The following MSI1 variants were observed in gnomAD, a reference collection of about 807,000 sequenced individuals.
MSI1 encodes the protein RNA-binding protein Musashi homolog 1.
MSI1 carries 15 observed loss-of-function variants against 54.4 expected under a neutral mutation model. The observed-to-expected ratio is 0.28, with a 90% CI of 0.18 to 0.42. The LOEUF (loss-of-function observed/expected upper bound fraction) is 0.42, where lower values mean the gene tolerates loss of function less well. Among genes scored for constraint, MSI1 ranks in the 20% least tolerant of loss-of-function variants. The pLI, the probability that MSI1 is intolerant of heterozygous loss-of-function variation, is 1.00. For synonymous variants in MSI1, 200 were observed against 196.5 expected (o/e 1.02, Z -0.15); for missense variants, 304 against 506.0 (o/e 0.60, Z 3.83).
rs1349049737 is a variant in MSI1, at chr12:120,342,661, A to G, written c.*466T>C. 6.6e-6 allele frequency: 1 copy of G among 151,226 alleles called. No individual in the cohort carries two copies. Among genetic ancestry groups the G allele is most frequent in the Non-Finnish European group, 1.5e-5 (1 of 67,810 alleles). 9.4% of individuals were successfully genotyped at this position (151,226 alleles called of 1,614,324 possible). A position where few individuals can be genotyped will look rare whatever the true frequency, so the allele number is the denominator to read the frequency against. ...AAAAAAGGTTTCTTTAAAAAAAAAA[A>G]AAAAAAAAAAAAGGGAAAGGGTAAA... On this transcript the variant is annotated 3_prime_UTR_variant, in exon 15 of 15. Coordinates refer to ENST00000257552, the MANE Select transcript of MSI1 (RefSeq NM_002442.4).
chr12:120,355,360 CCG>C (rs1875013820), intron 9 of MSI1, among the ~76,000 whole-genome samples: 1 of 150,834 alleles, frequency 6.6e-6, no homozygotes, highest in Non-Finnish European at 1.5e-5. Flanking sequence ...AGCCAAGATC[CCG>C]CCACTGCAGT....
At chr12:120,340,314 G>A (rs1592914258), downstream of MSI1, among the ~76,000 whole-genome samples, 2 of 152,220 alleles carry the variant, frequency 1.3e-5, no homozygotes, top group African/African-American at 4.8e-5. Context: ...GAACACCTGA[G>A]CTCAGGCGAT....
At chr12:120,363,261 GC>G (rs34243955) in intron 5 of MSI1, 126 bp from the exon 6 acceptor site, 330,308 of 550,510 alleles carry the variant, frequency 0.6, 95,864 homozygotes, top group South Asian at 0.71. Flanking sequence ...CTCTTTAAAG[GC>G]CCCCCCCCCG....
intron 10 of MSI1, among the ~76,000 whole-genome samples, chr12:120,352,008 CTTTT>C (rs1874652912): frequency 8.1e-6 from 1 of 123,074 alleles, no homozygotes; most frequent in African/African-American, 3.0e-5. Context: ...GCGCCTGGCC[CTTTT>C]TATTTAAAAA....
chr12:120,368,826 C>T lies in MSI1; in HGVS notation c.100+7G>A, dbSNP rs753828486. The stretch of plus-strand genomic sequence containing the variant: ...CCGGACCGGCGGGCGCTCCCGGGCT[C>T]GCTCACCCTGCGTAGTCTGCCAACT... On this transcript the variant is annotated splice_region_variant and intron_variant, in intron 2 of 14. Transcript: ENST00000257552. The surrounding 1 kb of genome is among the most constrained non-coding windows in gnomAD (Gnocchi z 6.6). 2.8e-6 allele frequency: 4 copies of T among 1,429,926 alleles called. No homozygotes were observed. Among genetic ancestry groups the T allele is most frequent in the South Asian group, 2.7e-5 (2 of 73,356 alleles). 88.6% of individuals were successfully genotyped at this position (1,429,926 alleles called of 1,614,324 possible).
At chr12:120,364,317 C>A (rs143360427) in intron 5 of MSI1, among the ~76,000 whole-genome samples, 168 of 152,268 alleles carry the variant, frequency 1.1e-3, no homozygotes, top group African/African-American at 3.8e-3. Context: ...AGCTCCCTAG[C>A]CTGCCTGTAG....
chr12:120,364,818 C>T (rs1875916246), intron 4 of MSI1, 63 bp from the exon 5 acceptor site: 2 of 1,476,636 alleles, frequency 1.4e-6, no homozygotes, highest in Non-Finnish European at 1.8e-6. Flanking sequence ...AGCGACCACA[C>T]AGCCTTCAGC....
rs369649523 is a variant in MSI1 at position 120,368,456 on chromosome 12, C to G, written c.101-183G>C. Reference sequence around the variant, plus strand: ...TCCCGCTGAGCCTCCTGGCGCCCACCGGGGCCCCGGGAAGCCGAGGGCCGA... The same window carrying G: ...TCCCGCTGAGCCTCCTGGCGCCCACGGGGGCCCCGGGAAGCCGAGGGCCGA... On this transcript the variant is annotated intron_variant, in intron 2 of 14. Coordinates refer to ENST00000257552, the MANE Select transcript of MSI1 (RefSeq NM_002442.4). This position sits in a 1 kb window ranked among gnomAD's most constrained non-coding sequence, Gnocchi z 6.6. 0.042 allele frequency among the ~76,000 whole-genome samples: 6,320 copies of G among 152,080 alleles called. 188 individuals are homozygous for G. Among genetic ancestry groups the G allele is most frequent in the South Asian group, 0.063 (303 of 4,828 alleles).
chr12:120,356,630 G>A (rs1047808685), intron 9 of MSI1, among the ~76,000 whole-genome samples: 5 of 152,250 alleles, frequency 3.3e-5, no homozygotes, highest in Non-Finnish European at 7.3e-5. Context: ...CAGATGGAGG[G>A]ATGGATGGAC....
intron 4 of MSI1, among the ~76,000 whole-genome samples, chr12:120,366,916 C>T (rs1876053506): frequency 1.3e-5 from 2 of 152,172 alleles, no homozygotes; most frequent in South Asian, 4.1e-4. Flanking sequence ...GGTAGCAGAA[C>T]AGGCAGCTTG....
At chr12:120,344,938 C>A (rs1029037317) in intron 14 of MSI1, among the ~76,000 whole-genome samples, 25 of 151,612 alleles carry the variant, frequency 1.6e-4, no homozygotes, top group African/African-American at 6.1e-4. Flanking sequence ...ATTGCTTGAA[C>A]CCAGGGGACG....
chr12:120,367,347 C>G (rs895941720), intron 4 of MSI1, among the ~76,000 whole-genome samples: 1 of 152,164 alleles, frequency 6.6e-6, no homozygotes, highest in Non-Finnish European at 1.5e-5. Context: ...GTCTAAGACA[C>G]GAAGGAGCTG....
At chr12:120,362,907 C>T (rs1875764907) in intron 6 of MSI1, 136 bp downstream of exon 6, 1 of 743,310 alleles carries the variant, frequency 1.3e-6, no homozygotes, top group Non-Finnish European at 2.3e-6. Context: ...TTGGCCTGGT[C>T]TGCCCCCACA....
intron 9 of MSI1, among the ~76,000 whole-genome samples, chr12:120,356,194 A>C (rs1875101566): frequency 6.6e-6 from 1 of 152,222 alleles, no homozygotes; most frequent in Middle Eastern, 3.4e-3. Flanking sequence ...CTTGAAGGAG[A>C]GCCCCATGAG....
At chr12:120,347,077 G>C (rs1398994210) in intron 12 of MSI1, among the ~76,000 whole-genome samples, 1 of 152,162 alleles carries the variant, frequency 6.6e-6, no homozygotes, top group Non-Finnish European at 1.5e-5. Flanking sequence ...GGCCTCCCGA[G>C]TAGCTGGGAT....
At chr12:120,353,623 G>T (rs1726057399) in intron 9 of MSI1, among the ~76,000 whole-genome samples, 1 of 152,226 alleles carries the variant, frequency 6.6e-6, no homozygotes, top group South Asian at 2.1e-4. Flanking sequence ...CTGAGGCTCT[G>T]AAAGGTGACA....
chr12:120,367,919 G>T, intron 4 of MSI1, 89 bp downstream of exon 4: 1 of 1,325,894 alleles, frequency 7.5e-7, no homozygotes, highest in Non-Finnish European at 1.0e-6. Flanking sequence ...CATGGACCCC[G>T]TCCAGCTGTC....
chr12:120,347,830 AAGCTGCGAAGGTTGCCCGC>A (rs554077541), intron 11 of MSI1, among the ~76,000 whole-genome samples: 143 of 152,232 alleles, frequency 9.4e-4, no homozygotes, highest in African/African-American at 3.4e-3. Context: ...CAACCCTGAG[AAGCTGCGAAGGTTGCCCGC>A]AGCTGCCCCC....
At chr12:120,363,239 T>A in intron 5 of MSI1, 104 bp from the exon 6 acceptor site, 1 of 895,338 alleles carries the variant, frequency 1.1e-6, no homozygotes, top group Admixed American at 1.9e-5. Context: ...ACAAGCTCTC[T>A]GTGGCCCCAG....
Sources: allele counts gnomAD v4.1 joint callset (sites outside exome capture counted in the v4.1 genomes callset), GRCh38; gene constraint gnomAD v4.1.1; non-coding constraint Gnocchi (gnomAD v3.1); transcripts MANE v1.5; gene names NCBI Gene and HGNC (gene_info 2026-07-23, HGNC 2026-07-21).